The following KIAA0825 variants were observed in gnomAD, a reference collection of about 807,000 sequenced individuals.
KIAA0825 encodes KIAA0825.
In KIAA0825, 119 loss-of-function variants were observed where a neutral mutation model predicts 147.6. The observed-to-expected ratio is 0.81, with a 90% CI of 0.69 to 0.94. KIAA0825 has a LOEUF of 0.94. KIAA0825 is among the 40% of genes least tolerant of loss of function. The pLI is 0.00. For missense variants in KIAA0825, 1,381 were observed against 1,472.7 expected (o/e 0.94, Z 1.02); for synonymous variants, 470 against 518.1 (o/e 0.91, Z 1.26).
chr5:94,379,922 C>T (rs968439830), intron 20 of KIAA0825, among the ~76,000 whole-genome samples: 33 of 131,824 alleles, frequency 2.5e-4, no homozygotes, highest in Non-Finnish European at 4.3e-4. Context: ...GGCATGATCT[C>T]GGCTCACTGC....
At chr5:94,487,496 T>G (rs1763194323) in intron 5 of KIAA0825, among the ~76,000 whole-genome samples, 1 of 152,208 alleles carries the variant, frequency 6.6e-6, no homozygotes, top group Admixed American at 6.5e-5. Flanking sequence ...TTATTTTACC[T>G]CACAGTATCT....
intron 1 of KIAA0825, 104 bp from the exon 2 acceptor site, chr5:94,582,687 A>G (rs1031389): frequency 0.53 from 80,480 of 151,936 alleles, 22,118 homozygotes; most frequent in African/African-American, 0.69. Context: ...ATTAAATCAT[A>G]ACATATGGAC....
intron 8 of KIAA0825, 52 bp downstream of exon 8, chr5:94,473,240 A>C: frequency 7.0e-7 from 1 of 1,428,962 alleles, no homozygotes; most frequent in Non-Finnish European, 9.6e-7. Context: ...CCTTATACTA[A>C]AATAAATCCC....
rs551675196 is a variant in KIAA0825 at position 94,294,595 on chromosome 5, G to A, written c.3710+89773C>T. 9.9e-5 allele frequency among the ~76,000 whole-genome samples: 15 copies of A among 152,206 alleles called. 1 individual carries two copies. The highest frequency in any genetic ancestry group is 4.6e-4 in the Admixed American group (7 of 15,282). On this transcript the variant is annotated intron_variant, in intron 20 of 20. Coordinates refer to ENST00000682413, the MANE Select transcript of KIAA0825 (RefSeq NM_001145678.3). Reference sequence around the variant, plus strand: ...ACAAAAATTAGCTGGGTGTGGTGGCGCACACCTGTAATCCCAGATACTCAG... The same window carrying A: ...ACAAAAATTAGCTGGGTGTGGTGGCACACACCTGTAATCCCAGATACTCAG...
intron 18 of KIAA0825, among the ~76,000 whole-genome samples, chr5:94,387,828 C>G (rs1442845281): frequency 6.6e-6 from 1 of 152,128 alleles, no homozygotes; most frequent in African/African-American, 2.4e-5. Context: ...AGAGGTAAAG[C>G]TGTGGGGAGG....
At chr5:94,442,579 A>T (rs1488281667) in intron 13 of KIAA0825, among the ~76,000 whole-genome samples, 1 of 152,174 alleles carries the variant, frequency 6.6e-6, no homozygotes, top group Admixed American at 6.6e-5. Context: ...TTTGGACTAA[A>T]AATCTAAAAC....
intron 2 of KIAA0825, among the ~76,000 whole-genome samples, chr5:94,555,860 A>C (rs1338752091): frequency 1.3e-5 from 2 of 152,270 alleles, no homozygotes; most frequent in Non-Finnish European, 2.9e-5. Context: ...GTATCTGTTG[A>C]GATTAGACCT....
chr5:94,574,518 A>G (rs181536250), intron 2 of KIAA0825, among the ~76,000 whole-genome samples: 1 of 134,624 alleles, frequency 7.4e-6, no homozygotes, highest in African/African-American at 2.8e-5. Context: ...TACTCCAGCC[A>G]GGGTGACAGT....
intron 20 of KIAA0825, among the ~76,000 whole-genome samples, chr5:94,198,839 T>G (rs1771390930): frequency 6.6e-6 from 1 of 152,242 alleles, no homozygotes; most frequent in South Asian, 2.1e-4. Flanking sequence ...TGGTCTATTC[T>G]GCTATCAACA....
chr5:94,608,784 T>G (rs77297352), intron 1 of KIAA0825, among the ~76,000 whole-genome samples: 1,812 of 151,786 alleles, frequency 0.012, 33 homozygotes, highest in African/African-American at 0.041. Context: ...ATTAGAATTT[T>G]GGAAAATTTG....
chr5:94,549,423 T>C (rs1365080106), intron 2 of KIAA0825, among the ~76,000 whole-genome samples: 2 of 152,018 alleles, frequency 1.3e-5, no homozygotes, highest in Non-Finnish European at 2.9e-5. Flanking sequence ...CATACCAAAA[T>C]CTATGGGAGC....
At chr5:94,540,720 T>C (rs1228208233) in intron 2 of KIAA0825, among the ~76,000 whole-genome samples, 1 of 152,238 alleles carries the variant, frequency 6.6e-6, no homozygotes, top group African/African-American at 2.4e-5. Context: ...TTAAACATTA[T>C]TGGTAAATAA....
At position 94,569,023 on chromosome 5, in the gene KIAA0825, T is replaced by C. The variant is rs147765966; in HGVS notation, c.-2+13410A>G. 4.7e-3 allele frequency: 786 copies of C among 168,932 alleles called. 9 individuals carry two copies. The highest frequency in any genetic ancestry group is 0.018 in the African/African-American group (746 of 41,942). The allele number at this position is 168,932 out of a possible 1,614,324, so 10.5% of individuals were successfully genotyped here. A position where few individuals can be genotyped will look rare whatever the true frequency, so the allele number is the denominator to read the frequency against. On this transcript the variant is annotated intron_variant, in intron 2 of 20. Coordinates refer to ENST00000682413, the MANE Select transcript of KIAA0825 (RefSeq NM_001145678.3). ...AGTAACTACCACCAATCAATGCCCG[T>C]AATCGTATAAAGCCCCCGCACCAAT...
At chr5:94,375,265 T>C (rs1481293187) in intron 20 of KIAA0825, among the ~76,000 whole-genome samples, 3 of 152,122 alleles carry the variant, frequency 2.0e-5, no homozygotes, top group African/African-American at 7.2e-5. Flanking sequence ...TCTCCTGACC[T>C]CGTGATCTGC....
At chr5:94,457,985 C>T (rs759666623) in intron 12 of KIAA0825, among the ~76,000 whole-genome samples, 1 of 152,102 alleles carries the variant, frequency 6.6e-6, no homozygotes, top group Non-Finnish European at 1.5e-5. Flanking sequence ...CAAGAGAAGA[C>T]CACAACCTTA....
intron 20 of KIAA0825, among the ~76,000 whole-genome samples, chr5:94,166,312 C>G (rs1189057997): frequency 6.6e-6 from 1 of 152,010 alleles, no homozygotes; most frequent in East Asian, 1.9e-4. Flanking sequence ...ATTCAAAATC[C>G]TTTAAAGATT....
At chr5:94,253,602 CG>C (rs1443906905) in intron 20 of KIAA0825, among the ~76,000 whole-genome samples, 1 of 152,074 alleles carries the variant, frequency 6.6e-6, no homozygotes, top group Non-Finnish European at 1.5e-5. Context: ...CTCAAGTATA[CG>C]CCCTAAGATT....
At chr5:94,478,779 A>AT (rs1040976199) in intron 6 of KIAA0825, among the ~76,000 whole-genome samples, 5 of 152,160 alleles carry the variant, frequency 3.3e-5, no homozygotes, top group Non-Finnish European at 5.9e-5. Context: ...AAATATGGAA[A>AT]TTTTTTTAAA....
chr5:94,532,408 G>C (rs1770974782), intron 3 of KIAA0825, among the ~76,000 whole-genome samples: 1 of 151,902 alleles, frequency 6.6e-6, no homozygotes, highest in Admixed American at 6.6e-5. Flanking sequence ...ACCACACGCA[G>C]CCTCTCAAAG....
Sources: allele counts gnomAD v4.1 joint callset (sites outside exome capture counted in the v4.1 genomes callset), GRCh38; gene constraint gnomAD v4.1.1; transcripts MANE v1.5; gene names NCBI Gene and HGNC (gene_info 2026-07-23, HGNC 2026-07-21).